AKAP13: variants seen among roughly 807,000 people sequenced by gnomAD.
AKAP13 encodes A-kinase anchoring protein 13, also known as A-kinase anchor protein 13.
In AKAP13, 80 loss-of-function variants were observed where a neutral mutation model predicts 264.5. The observed-to-expected ratio is 0.30, with a 90% CI of 0.25 to 0.36. The LOEUF is 0.36. Among genes scored for constraint, AKAP13 ranks in the 10% least tolerant of loss-of-function variants. The pLI, the probability that AKAP13 is intolerant of heterozygous loss-of-function variation, is 1.00. For missense variants in AKAP13, 3,712 were observed against 3,435.2 expected, an observed-to-expected ratio of 1.08 and a Z score of -2.01; for synonymous variants, 1,380 against 1,250.2, an observed-to-expected ratio of 1.10 and a Z score of -2.19.
chr15:85,414,126 C>T (rs1180093965), intron 1 of AKAP13, among the ~76,000 whole-genome samples: 1 of 152,032 alleles, frequency 6.6e-6, no homozygotes, highest in Non-Finnish European at 1.5e-5. Flanking sequence ...GATTTTTCTC[C>T]GATGTTCATA....
chr15:85,398,504 T>A (rs1188285710), intron 1 of AKAP13, among the ~76,000 whole-genome samples: 2 of 152,192 alleles, frequency 1.3e-5, no homozygotes, highest in African/African-American at 4.8e-5. Flanking sequence ...TTTTATGTAC[T>A]CTTGAGCATA....
At position 85,655,700 on chromosome 15, in the gene AKAP13, G is replaced by T. The variant is rs760805884; in HGVS notation, c.4658G>T (p.Ser1553Ile). The T allele has an allele frequency of 1.9e-6, 3 of 1,613,800 alleles. No individual in the cohort carries two copies. The East Asian group carries it at 6.7e-5, about 36-fold the overall frequency. Reference protein sequence around the residue: ...EVPANCSVLRSSMRSLSPFRR... With the variant: ...EVPANCSVLRISMRSLSPFRR... ...CCTGCAAACTGCTCTGTCCTAAGGA[G>T]CTCCATGCGCTCTCTTTCTCCCTTC... The change falls in exon 11 of 37, where the codon AGC becomes ATC. Residue 1553 changes from serine to isoleucine, a missense_variant. Physicochemically the swap from Ser to Ile is moderately radical, Grantham distance 142. This residue lies in a region of AKAP13 where 2,759 missense variants were observed against 2,411.7 expected (regional missense o/e 1.14). Transcript: ENST00000394518.
chr15:85,489,596 A>G (rs992353195), intron 2 of AKAP13, among the ~76,000 whole-genome samples: 1 of 152,242 alleles, frequency 6.6e-6, no homozygotes, highest in Non-Finnish European at 1.5e-5. Flanking sequence ...ATTTTCATTT[A>G]GATCATATTT....
chr15:85,544,517 A>G (rs1375324468), intron 5 of AKAP13, among the ~76,000 whole-genome samples: 1 of 152,236 alleles, frequency 6.6e-6, no homozygotes, highest in East Asian at 1.9e-4. Flanking sequence ...TGTCCTGGAA[A>G]TGTGCAGTAG....
intron 1 of AKAP13, among the ~76,000 whole-genome samples, chr15:85,478,686 C>T (rs980466180): frequency 1.8e-4 from 28 of 151,870 alleles, no homozygotes; most frequent in Non-Finnish European, 7.4e-5. Context: ...CATGTCATGC[C>T]TGCCTCCTTT....
At chr15:85,546,321 A>ACACACACAC in intron 5 of AKAP13, among the ~76,000 whole-genome samples, 1 of 145,176 alleles carries the variant, frequency 6.9e-6, no homozygotes. Flanking sequence ...GTTGTTACCA[A>ACACACACAC]ACACACACAC....
chr15:85,600,728 G>C (rs560741716), intron 8 of AKAP13, among the ~76,000 whole-genome samples: 1 of 152,148 alleles, frequency 6.6e-6, no homozygotes, highest in African/African-American at 2.4e-5. Context: ...GCCCCAAAAA[G>C]CATTTATGTC....
chr15:85,721,469 G>A (rs114929903), intron 23 of AKAP13, among the ~76,000 whole-genome samples: 1,672 of 152,278 alleles, frequency 0.011, 30 homozygotes, highest in African/African-American at 0.038. Context: ...TACCTTTAGA[G>A]GAATCATTGA....
chr15:85,524,875 C>CTGTGTGTGTG (rs61626116), intron 3 of AKAP13, among the ~76,000 whole-genome samples: 85 of 147,338 alleles, frequency 5.8e-4, no homozygotes, highest in African/African-American at 1.1e-3. Flanking sequence ...CCCCATTCCC[C>CTGTGTGTGTG]TGTGTGTGTG....
chr15:85,532,210 C>G (rs1352146023), intron 3 of AKAP13, among the ~76,000 whole-genome samples: 1 of 152,218 alleles, frequency 6.6e-6, no homozygotes, highest in Non-Finnish European at 1.5e-5. Context: ...AGAGATTTCT[C>G]TTGCCACAGG....
chr15:85,439,492 A>G (rs2073513219), intron 1 of AKAP13, among the ~76,000 whole-genome samples: 1 of 151,782 alleles, frequency 6.6e-6, no homozygotes, highest in African/African-American at 2.4e-5. Flanking sequence ...ATGACTATAA[A>G]TCATGCTGCT....
chr15:85,638,845 C>T (rs2082181053), intron 8 of AKAP13, among the ~76,000 whole-genome samples: 4 of 152,104 alleles, frequency 2.6e-5, no homozygotes, highest in Middle Eastern at 6.8e-3. Context: ...CAACATCTGC[C>T]TCCCGGGTTT....
intron 3 of AKAP13, among the ~76,000 whole-genome samples, chr15:85,524,781 CT>C (rs762592023): frequency 1.8e-4 from 28 of 151,682 alleles, no homozygotes; most frequent in Admixed American, 1.5e-3. Context: ...AGTTTTCTCT[CT>C]TTTTTTTGCG....
At chr15:85,415,324 G>A (rs2072190712) in intron 1 of AKAP13, 3 of 1,578,112 alleles carry the variant, frequency 1.9e-6, no homozygotes, top group African/African-American at 1.3e-5. Context: ...ATAGCTTTGC[G>A]AAAAATGGAC....
Position 85,719,027 on chromosome 15 carries a change from A to T in AKAP13, c.6002-49A>T, listed in dbSNP as rs1248989891. On this transcript the variant is annotated intron_variant, in intron 22 of 36. Coordinates refer to ENST00000394518, the MANE Select transcript of AKAP13 (RefSeq NM_007200.5). ...TGCAGCAGATGATCTTTGAGGGCGA[A>T]TGCTTATAAAAGAGTGTTCCTGACA... 8 of 1,600,368 alleles carry T rather than the reference A, an allele frequency of 5.0e-6. No homozygotes were observed. The South Asian group carries it at 8.9e-5, about 18-fold the overall frequency.
chr15:85,427,157 G>A (rs935254272), intron 1 of AKAP13, among the ~76,000 whole-genome samples: 1 of 151,706 alleles, frequency 6.6e-6, no homozygotes, highest in South Asian at 2.1e-4. Context: ...GGGTTTCACC[G>A]TGTTAGCTAG....
At chr15:85,387,399 C>T (rs1426535842) in intron 1 of AKAP13, among the ~76,000 whole-genome samples, 1 of 152,124 alleles carries the variant, frequency 6.6e-6, no homozygotes, top group East Asian at 1.9e-4. Flanking sequence ...GGTAGGATAA[C>T]CACTCACTGC....
chr15:85,465,199 G>A (rs2074683496), intron 1 of AKAP13, among the ~76,000 whole-genome samples: 1 of 150,602 alleles, frequency 6.6e-6, no homozygotes, highest in Non-Finnish European at 1.5e-5. Flanking sequence ...TGATCCGCCT[G>A]CCTCAGCCTC....
intron 19 of AKAP13, among the ~76,000 whole-genome samples, chr15:85,713,597 G>A (rs1415439195): frequency 6.6e-6 from 1 of 152,048 alleles, no homozygotes; most frequent in East Asian, 1.9e-4. Context: ...GAGGGGTAGG[G>A]CCACATCCCA....
Sources: allele counts gnomAD v4.1 joint callset (sites outside exome capture counted in the v4.1 genomes callset), GRCh38; gene constraint gnomAD v4.1.1; regional missense constraint gnomAD v4.1.1; transcripts MANE v1.5; gene names NCBI Gene and HGNC (gene_info 2026-07-23, HGNC 2026-07-21).